LRRC7: variants seen among roughly 807,000 people sequenced by gnomAD.
The protein encoded by LRRC7 is leucine-rich repeat-containing protein 7.
LRRC7 carries 23 observed loss-of-function variants against 175.7 expected under a neutral mutation model. That is an observed-to-expected ratio of 0.13 (90% CI 0.09 to 0.19). The LOEUF (loss-of-function observed/expected upper bound fraction) is 0.19. LRRC7 is among the 10% of genes least tolerant of loss of function. The pLI, the probability that LRRC7 is intolerant of heterozygous loss-of-function variation, is 1.00. For missense variants in LRRC7, 1,354 were observed against 1,904.7 expected, an observed-to-expected ratio of 0.71 and a Z score of 5.38; for synonymous variants, 685 against 680.9, an observed-to-expected ratio of 1.01 and a Z score of -0.09.
intron 7 of LRRC7, among the ~76,000 whole-genome samples, chr1:69,911,056 C>T (rs1448513853): frequency 6.6e-6 from 1 of 152,170 alleles, no homozygotes; most frequent in Non-Finnish European, 1.5e-5. Context: ...TGGAAAAGCA[C>T]AGTATTAGGG....
In LRRC7 at chr1:69,975,246, A is replaced by C. The variant is rs557210230; in HGVS notation, c.712-5133A>C. On this transcript the variant is annotated intron_variant, in intron 8 of 26. Transcript: ENST00000651989. ...TATGCAGTGCATCACAGGTTGCCCA[A>C]ATCCTTGGAAATCATGAAAGGCCTT... 3.7e-4 allele frequency among the ~76,000 whole-genome samples: 57 copies of C among 152,274 alleles called. 1 individual carries two copies. The highest frequency in any genetic ancestry group is 1.9e-3 in the East Asian group (10 of 5,176).
intron 1 of LRRC7, among the ~76,000 whole-genome samples, chr1:69,576,089 A>G (rs904964120): frequency 6.7e-6 from 1 of 150,042 alleles, no homozygotes; most frequent in Non-Finnish European, 1.5e-5. Context: ...TTAAGTAGCC[A>G]AGAGTGGTGG....
At chr1:69,954,319 A>G (rs1650270470) in intron 8 of LRRC7, among the ~76,000 whole-genome samples, 1 of 152,046 alleles carries the variant, frequency 6.6e-6, no homozygotes. Flanking sequence ...CAGAGGAATG[A>G]AAGATGAGGC....
chr1:69,760,446 C>T, intron 3 of LRRC7, 53 bp downstream of exon 3: 1 of 1,440,912 alleles, frequency 6.9e-7, no homozygotes, highest in Non-Finnish European at 9.7e-7. Context: ...TCATAATTTT[C>T]AAATACTTTA....
intron 4 of LRRC7, among the ~76,000 whole-genome samples, chr1:69,810,340 A>C (rs182038435): frequency 9.9e-4 from 151 of 152,326 alleles, no homozygotes; most frequent in Middle Eastern, 6.8e-3. Context: ...GAAAATGACC[A>C]TACTGCCCAA....
chr1:69,982,227 T>C (rs1456216278), intron 9 of LRRC7, among the ~76,000 whole-genome samples: 1 of 152,236 alleles, frequency 6.6e-6, no homozygotes, highest in African/African-American at 2.4e-5. Flanking sequence ...CGAGAGTAGA[T>C]GTTTCATATG....
chr1:69,708,351 A>G (rs1664296852), intron 2 of LRRC7, among the ~76,000 whole-genome samples: 1 of 151,898 alleles, frequency 6.6e-6, no homozygotes, highest in Admixed American at 6.6e-5. Context: ...GATCTCCCCC[A>G]TCTATTACTG....
chr1:69,755,084 C>A (rs553748091), intron 2 of LRRC7, among the ~76,000 whole-genome samples: 2 of 151,888 alleles, frequency 1.3e-5, no homozygotes, highest in Non-Finnish European at 2.9e-5. Flanking sequence ...TCAGGGACGC[C>A]AAAGGAAGAG....
intron 7 of LRRC7, among the ~76,000 whole-genome samples, chr1:69,876,978 G>A (rs540794895): frequency 6.6e-6 from 1 of 152,234 alleles, no homozygotes; most frequent in African/African-American, 2.4e-5. Context: ...TCCAGGTGAA[G>A]CCTGAGGAGT....
intron 4 of LRRC7, among the ~76,000 whole-genome samples, chr1:69,808,207 T>C (rs1677366989): frequency 1.3e-5 from 2 of 151,810 alleles, no homozygotes; most frequent in African/African-American, 4.8e-5. Flanking sequence ...TCTAACCTTT[T>C]TTCAAGGTTC....
chr1:70,005,060 A>G (rs1444009770), intron 11 of LRRC7, among the ~76,000 whole-genome samples: 1 of 152,038 alleles, frequency 6.6e-6, no homozygotes, highest in African/African-American at 2.4e-5. Context: ...CTCGTAACAG[A>G]CCACTTTAAT....
intron 2 of LRRC7, among the ~76,000 whole-genome samples, chr1:69,720,311 G>T (rs1740913): frequency 0.68 from 102,939 of 151,268 alleles, 35,853 homozygotes; most frequent in African/African-American, 0.83. Context: ...TCTAGAGATT[G>T]CACATTCATC....
intron 8 of LRRC7, among the ~76,000 whole-genome samples, chr1:69,945,600 A>G (rs531025432): frequency 6.6e-6 from 1 of 152,252 alleles, no homozygotes; most frequent in South Asian, 2.1e-4. Flanking sequence ...TAGTATGGGC[A>G]TTATACCAAT....
At chr1:69,759,121 T>C (rs1162917661) in intron 2 of LRRC7, among the ~76,000 whole-genome samples, 2 of 151,944 alleles carry the variant, frequency 1.3e-5, no homozygotes, top group African/African-American at 4.8e-5. Context: ...CTACTCATCT[T>C]TCCTAGGAAG....
chr1:69,599,140 TA>T (rs34773913), intron 1 of LRRC7, among the ~76,000 whole-genome samples: 2,647 of 145,298 alleles, frequency 0.018, 27 homozygotes, highest in African/African-American at 0.031. Flanking sequence ...AGTTTTACAA[TA>T]AAAAAAAAAG....
At chr1:70,113,438 C>G (rs1454325714) in intron 26 of LRRC7, among the ~76,000 whole-genome samples, 1 of 152,134 alleles carries the variant, frequency 6.6e-6, no homozygotes, top group Non-Finnish European at 1.5e-5. Flanking sequence ...AGTCTTTTAT[C>G]TAGTTGTCCA....
intron 14 of LRRC7, among the ~76,000 whole-genome samples, chr1:70,018,135 C>G (rs1352274241): frequency 6.6e-6 from 1 of 151,888 alleles, no homozygotes. Flanking sequence ...TCTAGAATAT[C>G]CCTTCAGAAT....
chr1:69,932,250 A>T (rs931357607), intron 8 of LRRC7, among the ~76,000 whole-genome samples: 20 of 152,200 alleles, frequency 1.3e-4, no homozygotes, highest in Admixed American at 8.5e-4. Context: ...CAAAAAATTC[A>T]ATTCATCTAA....
intron 8 of LRRC7, among the ~76,000 whole-genome samples, chr1:69,963,305 C>CAAAA (rs112678826): frequency 9.4e-6 from 1 of 106,254 alleles, no homozygotes; most frequent in African/African-American, 3.2e-5. Flanking sequence ...GACACCGTCT[C>CAAAA]AAAAAAAAAA....
Sources: gnomAD v4.1 joint callset for allele counts (sites outside exome capture counted in the v4.1 genomes callset) on GRCh38, gnomAD v4.1.1 for gene constraint, MANE v1.5 for transcripts, NCBI Gene and HGNC (gene_info 2026-07-23, HGNC 2026-07-21) for gene names.